The following TENM1 variants were observed in gnomAD, a reference collection of about 807,000 sequenced individuals.
TENM1 encodes the protein teneurin-1.
TENM1 carries 35 observed loss-of-function variants against 174.8 expected under a neutral mutation model. That is an observed-to-expected ratio of 0.20 (90% CI 0.15 to 0.27). TENM1 has a LOEUF of 0.27. Among genes scored for constraint, TENM1 ranks in the 10% least tolerant of loss-of-function variants. The pLI, the probability that TENM1 is intolerant of heterozygous loss-of-function variation, is 1.00. For missense variants in TENM1, 1,633 were observed against 2,130.1 expected (o/e 0.77, Z 4.59); for synonymous variants, 781 against 798.7 (o/e 0.98, Z 0.37).
At chrX:125,168,562 C>T in the TENM1 span, among the ~76,000 whole-genome samples, 1 of 111,132 alleles carries the variant, frequency 9.0e-6, no homozygotes, top group African/African-American at 3.3e-5. Context: ...GTATTAGAGC[C>T]CCAGTCAGAT....
intron 3 of TENM1, among the ~76,000 whole-genome samples, chrX:124,842,762 T>C (rs1193031378): frequency 1.8e-5 from 2 of 110,607 alleles, no homozygotes; most frequent in Non-Finnish European, 3.8e-5. Flanking sequence ...ACACCCCATC[T>C]CCAAATACCA....
At chrX:124,959,927 T>C (rs1475862944) in intron 1 of TENM1, among the ~76,000 whole-genome samples, 1 of 111,790 alleles carries the variant, frequency 8.9e-6, no homozygotes, top group African/African-American at 3.2e-5. Flanking sequence ...TTCTTAGCTC[T>C]AGCCTAATTC....
chrX:124,883,723 C>T (rs888139014), intron 3 of TENM1, among the ~76,000 whole-genome samples: 2 of 111,719 alleles, frequency 1.8e-5, no homozygotes, highest in African/African-American at 6.5e-5. Context: ...GTTGGACAGG[C>T]CAATTCCCAG....
chrX:124,775,221 G>C (rs1185789657), intron 3 of TENM1, among the ~76,000 whole-genome samples: 1 of 107,169 alleles, frequency 9.3e-6, no homozygotes, highest in East Asian at 2.9e-4. Flanking sequence ...CAGGAGAATT[G>C]CTTGAACCCG....
chrX:124,585,775 C>A (rs775077664), intron 11 of TENM1, among the ~76,000 whole-genome samples: 1 of 111,286 alleles, frequency 9.0e-6, no homozygotes, highest in Non-Finnish European at 1.9e-5. Flanking sequence ...ATCAACAAAA[C>A]TGATAGACCG....
chrX:124,933,530 A>C (rs2058203479), intron 1 of TENM1, among the ~76,000 whole-genome samples: 1 of 112,523 alleles, frequency 8.9e-6, no homozygotes, highest in African/African-American at 3.2e-5. Flanking sequence ...ATCCATTGTT[A>C]ATTTTAGAAA....
chrX:125,173,350 T>C, the TENM1 span, among the ~76,000 whole-genome samples: 1 of 111,752 alleles, frequency 8.9e-6, no homozygotes, highest in Non-Finnish European at 1.9e-5. Flanking sequence ...CAGTTTAATA[T>C]ATTAAAGTGA....
intron 21 of TENM1, among the ~76,000 whole-genome samples, chrX:124,482,542 T>C (rs148262093): frequency 0.016 from 1,803 of 111,521 alleles, 21 homozygotes; most frequent in Middle Eastern, 0.046. Flanking sequence ...CCTTTTTCAA[T>C]TGACTACCAC....
rs761596977 is a variant in TENM1, at chrX:124,489,882, C to T, written c.3696-2653G>A. Among the ~76,000 whole-genome samples, 7 of 111,362 alleles carry T rather than the reference C, an allele frequency of 6.3e-5. No homozygotes were observed. The South Asian group carries it at 2.3e-3, about 37-fold the overall frequency. On this transcript the variant is annotated intron_variant, in intron 20 of 31. Coordinates refer to ENST00000422452, the Ensembl canonical transcript of TENM1. Reference sequence around the variant, plus strand: ...TTCCTGCTCCTCTTTCCTTGGTCTTCTTGCTTTAGACATCAGAGCACACTC... The same window carrying T: ...TTCCTGCTCCTCTTTCCTTGGTCTTTTTGCTTTAGACATCAGAGCACACTC...
At chrX:125,081,501 C>T in the TENM1 span, among the ~76,000 whole-genome samples, 3 of 110,809 alleles carry the variant, frequency 2.7e-5, no homozygotes, top group Non-Finnish European at 5.7e-5. Flanking sequence ...TACACAGTTA[C>T]TAAGATAAAA....
intron 11 of TENM1, among the ~76,000 whole-genome samples, chrX:124,631,635 C>T (rs905529975): frequency 9.0e-6 from 1 of 110,813 alleles, no homozygotes; most frequent in Admixed American, 9.6e-5. Flanking sequence ...TGCAGTGGCT[C>T]GTGCCTGTAA....
intron 5 of TENM1, among the ~76,000 whole-genome samples, chrX:124,692,564 G>C (rs2052551294): frequency 9.2e-6 from 1 of 109,098 alleles, no homozygotes; most frequent in African/African-American, 3.3e-5. Context: ...TGAACTGAAA[G>C]TGGTGGGTCA....
chrX:125,157,099 C>T, the TENM1 span, among the ~76,000 whole-genome samples: 1 of 112,163 alleles, frequency 8.9e-6, no homozygotes, highest in East Asian at 2.8e-4. Context: ...AATGCTGATG[C>T]CTGGGCCCCA....
At chrX:125,062,747 G>T in the TENM1 span, among the ~76,000 whole-genome samples, 35 of 111,796 alleles carry the variant, frequency 3.1e-4, no homozygotes, top group African/African-American at 1.1e-3. Context: ...AGATTTCCAA[G>T]AATATTGACT....
At chrX:124,779,877 G>C (rs1468277116) in intron 3 of TENM1, among the ~76,000 whole-genome samples, 1 of 112,014 alleles carries the variant, frequency 8.9e-6, no homozygotes, top group Admixed American at 9.5e-5. Flanking sequence ...GAACATTTAA[G>C]TAACTTGCTT....
intron 4 of TENM1, among the ~76,000 whole-genome samples, chrX:124,711,751 G>A (rs747986833): frequency 1.8e-5 from 2 of 111,885 alleles, no homozygotes; most frequent in Non-Finnish European, 3.8e-5. Context: ...TTTTTTTAGT[G>A]TATAGTTCAG....
At chrX:125,093,912 G>C in the TENM1 span, among the ~76,000 whole-genome samples, 1 of 112,077 alleles carries the variant, frequency 8.9e-6, no homozygotes, top group Non-Finnish European at 1.9e-5. Context: ...AGACACATGG[G>C]AGCAGAGCCA....
chrX:124,793,148 T>C (rs1318874323), intron 3 of TENM1, among the ~76,000 whole-genome samples: 1 of 111,628 alleles, frequency 9.0e-6, no homozygotes, highest in Non-Finnish European at 1.9e-5. Context: ...CTTTTCCTCA[T>C]GGGAGGAAGT....
At chrX:124,843,669 G>C (rs985782251) in intron 3 of TENM1, among the ~76,000 whole-genome samples, 33 of 111,810 alleles carry the variant, frequency 3.0e-4, no homozygotes, top group African/African-American at 1.0e-3. Flanking sequence ...GAAATGCAGA[G>C]TTTTAGCACC....
Sources: gnomAD v4.1 joint callset for allele counts (sites outside exome capture counted in the v4.1 genomes callset) on GRCh38, gnomAD v4.1.1 for gene constraint, MANE v1.5 for transcripts, NCBI Gene and HGNC (gene_info 2026-07-23, HGNC 2026-07-21) for gene names.